Variants in CSMD1 observed in about 807,000 individuals in gnomAD.
CSMD1 encodes CUB and Sushi multiple domains 1, also known as CUB and sushi domain-containing protein 1.
A neutral mutation model predicts 417.5 loss-of-function variants in CSMD1; 213 were observed. That is an observed-to-expected ratio of 0.51 (90% CI 0.46 to 0.57). The LOEUF is 0.57. CSMD1 is among the 20% of genes least tolerant of loss of function. The pLI is 0.00. For synonymous variants in CSMD1, 2,862 were observed against 1,736.8 expected, an observed-to-expected ratio of 1.65 and a Z score of -16.11; for missense variants, 6,923 against 4,529.7, an observed-to-expected ratio of 1.53 and a Z score of -15.17.
chr8:3,064,525 C>G (rs761453278), intron 49 of CSMD1, among the ~76,000 whole-genome samples: 2 of 152,074 alleles, frequency 1.3e-5, no homozygotes, highest in Non-Finnish European at 2.9e-5. Flanking sequence ...CATAAATTAC[C>G]CAGTCTCAGG....
chr8:4,080,163 G>T (rs537383404), intron 3 of CSMD1, among the ~76,000 whole-genome samples: 1 of 152,132 alleles, frequency 6.6e-6, no homozygotes, highest in African/African-American at 2.4e-5. Context: ...TACAAGCCAT[G>T]CATTTCTATG....
At chr8:3,224,471 C>T (rs77787068) in intron 27 of CSMD1, among the ~76,000 whole-genome samples, 2 of 152,082 alleles carry the variant, frequency 1.3e-5, no homozygotes, top group Non-Finnish European at 2.9e-5. Context: ...CTCCCAGTCC[C>T]CTGGTGTATG....
intron 3 of CSMD1, among the ~76,000 whole-genome samples, chr8:4,169,729 T>G (rs939855400): frequency 6.6e-6 from 1 of 152,126 alleles, no homozygotes; most frequent in African/African-American, 2.4e-5. Flanking sequence ...CCATTCTCAC[T>G]TGTGGAGGTT....
chr8:3,982,812 A>AG (rs1813984506), intron 5 of CSMD1, among the ~76,000 whole-genome samples: 1 of 152,290 alleles, frequency 6.6e-6, no homozygotes, highest in South Asian at 2.1e-4. Flanking sequence ...GAGGATTCTG[A>AG]GGGGAGCACG....
intron 5 of CSMD1, among the ~76,000 whole-genome samples, chr8:3,826,482 G>C (rs1802061522): frequency 6.6e-6 from 1 of 152,068 alleles, no homozygotes; most frequent in Non-Finnish European, 1.5e-5. Context: ...CATCTCCTAG[G>C]CAGGGGGACC....
At chr8:4,954,790 A>G (rs1057203212) in intron 1 of CSMD1, among the ~76,000 whole-genome samples, 19 of 152,180 alleles carry the variant, frequency 1.2e-4, no homozygotes, top group African/African-American at 2.9e-4. Context: ...ACGGTTTTCC[A>G]TACTTGACTT....
At chr8:4,056,216 G>A (rs1014807038) in intron 3 of CSMD1, among the ~76,000 whole-genome samples, 1 of 150,634 alleles carries the variant, frequency 6.6e-6, no homozygotes, top group Non-Finnish European at 1.5e-5. Context: ...CGAGTAGCTG[G>A]GATTACAGGT....
At position 3,201,634 on chromosome 8, in the gene CSMD1, G is replaced by C; in HGVS notation, c.5076C>G (p.Ser1692Arg). Reference protein sequence around the residue: ...DGTHAQARLLSSLSGSHSGET... With the variant: ...DGTHAQARLLRSLSGSHSGET... ...TACCTGAGTGAGACCCCGAGAGTGA[G>C]CTGAGAAGTCTGGCCTGTGCATGGG... Residue 1692 changes from serine (S) to arginine (R), a missense_variant, in exon 32 of 70, where the codon AGC becomes AGG. Transcript: ENST00000635120. The C allele has an allele frequency of 6.2e-7, 1 of 1,603,616 alleles. No individual in the cohort carries two copies. The highest frequency in any genetic ancestry group is 1.1e-5 in the South Asian group (1 of 88,642).
At chr8:4,458,750 A>G (rs1039790737) in intron 2 of CSMD1, among the ~76,000 whole-genome samples, 7 of 152,196 alleles carry the variant, frequency 4.6e-5, no homozygotes, top group African/African-American at 1.2e-4. Flanking sequence ...GTTACTTACA[A>G]AAACATTTTA....
At chr8:3,140,549 C>G (rs1244689945) in intron 41 of CSMD1, among the ~76,000 whole-genome samples, 1 of 151,940 alleles carries the variant, frequency 6.6e-6, no homozygotes, top group East Asian at 1.9e-4. Context: ...CCTAGATTTC[C>G]AGTTTAACAG....
intron 12 of CSMD1, among the ~76,000 whole-genome samples, chr8:3,415,123 T>C (rs1412548268): frequency 2.0e-5 from 3 of 152,230 alleles, no homozygotes; most frequent in Non-Finnish European, 4.4e-5. Context: ...ACATACTAAA[T>C]TGTATTTTAA....
chr8:3,751,079 C>G (rs1797314569), intron 6 of CSMD1, among the ~76,000 whole-genome samples: 1 of 151,946 alleles, frequency 6.6e-6, no homozygotes, highest in South Asian at 2.1e-4. Flanking sequence ...TGGTTTTAAG[C>G]AGGAAGTCCC....
chr8:4,322,580 A>C (rs1324313913), intron 3 of CSMD1, among the ~76,000 whole-genome samples: 1 of 152,214 alleles, frequency 6.6e-6, no homozygotes, highest in Non-Finnish European at 1.5e-5. Flanking sequence ...GATGAAGGAA[A>C]ATTTCAACAT....
intron 3 of CSMD1, among the ~76,000 whole-genome samples, chr8:4,285,615 C>T (rs189903505): frequency 1.3e-5 from 2 of 152,296 alleles, no homozygotes; most frequent in East Asian, 3.9e-4. Context: ...ATTTCCTGAG[C>T]ATTGCCCTAA....
rs1215454724 is a variant in CSMD1, at chr8:2,937,096, A to G, written c.*1489T>C. On this transcript the variant is annotated 3_prime_UTR_variant, in exon 70 of 70. Transcript: ENST00000635120. ...ATTTTCACTTTGAATTTGTTACATA[A>G]ACTACCTCACGGCCACATCTTCTAC... 1 of 152,160 alleles carries G rather than the reference A, an allele frequency of 6.6e-6. No individual in the cohort carries two copies. Among genetic ancestry groups the G allele is most frequent in the Non-Finnish European group, 1.5e-5 (1 of 68,026 alleles). 9.4% of individuals were successfully genotyped at this position (152,160 alleles called of 1,614,324 possible). A position where few individuals can be genotyped will look rare whatever the true frequency, so the allele number is the denominator to read the frequency against.
intron 1 of CSMD1, among the ~76,000 whole-genome samples, chr8:4,845,542 C>T (rs559898520): frequency 2.1e-4 from 32 of 152,358 alleles, no homozygotes; most frequent in South Asian, 6.2e-4. Flanking sequence ...CACTGTTGAA[C>T]TTTGGCCTAC....
intron 10 of CSMD1, among the ~76,000 whole-genome samples, chr8:3,566,828 T>A (rs1429293424): frequency 2.6e-5 from 4 of 152,160 alleles, no homozygotes; most frequent in Non-Finnish European, 4.4e-5. Context: ...ACACTGTTGG[T>A]GAGAGTGTAA....
chr8:4,787,357 C>G, intron 1 of CSMD1: 1 of 733,060 alleles, frequency 1.4e-6, no homozygotes, highest in Non-Finnish European at 2.5e-6. Flanking sequence ...GTACTGAACA[C>G]TGGTAAAAAA....
chr8:4,209,089 C>G (rs1385147089), intron 3 of CSMD1, among the ~76,000 whole-genome samples: 5 of 152,122 alleles, frequency 3.3e-5, no homozygotes, highest in Non-Finnish European at 7.3e-5. Context: ...CCTCTCTTCA[C>G]CCTTGCTCGC....
Sources: allele counts gnomAD v4.1 joint callset (sites outside exome capture counted in the v4.1 genomes callset), GRCh38; gene constraint gnomAD v4.1.1; transcripts MANE v1.5; gene names NCBI Gene and HGNC (gene_info 2026-07-23, HGNC 2026-07-21).